Variants in LAMB1 observed in about 807,000 individuals in gnomAD.
LAMB1 encodes the protein laminin subunit beta 1.
LAMB1 carries 121 observed loss-of-function variants against 222.3 expected under a neutral mutation model. That is an observed-to-expected ratio of 0.54 (90% CI 0.47 to 0.63). LAMB1 has a LOEUF of 0.63. Ranked by LOEUF, LAMB1 falls within the 30% of genes least tolerant of loss-of-function variation. LAMB1 has a pLI of 0.00. For synonymous variants in LAMB1, 794 were observed against 807.2 expected (o/e 0.98, Z 0.28); for missense variants, 2,172 against 2,240.8 (o/e 0.97, Z 0.62).
chr7:107,946,370 T>A (rs1409015350), intron 24 of LAMB1, among the ~76,000 whole-genome samples: 2 of 152,272 alleles, frequency 1.3e-5, no homozygotes, highest in Admixed American at 6.5e-5. Flanking sequence ...GAGATGAATA[T>A]AATTTTACCT....
At chr7:107,926,688 A>C (rs1233156797) in intron 31 of LAMB1, among the ~76,000 whole-genome samples, 1 of 152,196 alleles carries the variant, frequency 6.6e-6, no homozygotes, top group Non-Finnish European at 1.5e-5. Flanking sequence ...GGACACCTGC[A>C]AACTTTGGCT....
rs763593746 is a variant in LAMB1, at chr7:107,978,142, T to C, written c.905A>G (p.His302Arg). 1 of 1,614,180 alleles carries C rather than the reference T, an allele frequency of 6.2e-7. No homozygotes were observed. Among genetic ancestry groups the C allele is most frequent in the South Asian group, 1.1e-5 (1 of 91,078 alleles). Residue 302 changes from histidine to arginine, a missense_variant, in exon 9 of 34, where the codon CAT becomes CGT. His to Arg is a conservative substitution (Grantham distance 29, BLOSUM62 0). Coordinates refer to ENST00000222399, the MANE Select transcript of LAMB1 (RefSeq NM_002291.3). ...TTCACAGTTTAAGCCCTTGGTGTTATGCCTGCACATGCAGTGTCCGTGAAC... is the reference window on the plus strand; with the variant it reads ...TTCACAGTTTAAGCCCTTGGTGTTACGCCTGCACATGCAGTGTCCGTGAAC... ...GMVHGHCMCR[H>R]NTKGLNCELC...
In LAMB1 at chr7:107,929,177, C is replaced by T; in HGVS notation, c.4774G>A (p.Ala1592Thr). ...SKSATDVKVT[A>T]DMVKEALEEA... is the part of the protein sequence containing the mutation. The stretch of plus-strand genomic sequence containing the variant: ...TCCAGAGCTTCCTTTACCATATCTG[C>T]AGTGACTTTAACATCTGTTGCACTT... The change falls in exon 31 of 34, where the codon GCA becomes ACA. Residue 1592 changes from alanine to threonine, a missense_variant. By Grantham distance (58) the Ala-to-Thr change is moderately conservative. Coordinates refer to ENST00000222399, the MANE Select transcript of LAMB1 (RefSeq NM_002291.3). 2 of 1,614,010 alleles carry T rather than the reference C, an allele frequency of 1.2e-6. No individual in the cohort carries two copies. Among genetic ancestry groups the T allele is most frequent in the Non-Finnish European group, 1.7e-6 (2 of 1,179,964 alleles).
At chr7:107,947,766 G>C (rs2033148499) in intron 24 of LAMB1, among the ~76,000 whole-genome samples, 1 of 152,290 alleles carries the variant, frequency 6.6e-6, no homozygotes, top group South Asian at 2.1e-4. Flanking sequence ...CTGTTTGACA[G>C]ACTGCCTTAA....
At position 107,955,447 on chromosome 7, in the gene LAMB1, A is replaced by G. The variant is rs112564395; in HGVS notation, c.2854+20T>C. 1 of 1,593,860 alleles carries G rather than the reference A, an allele frequency of 6.3e-7. No homozygotes were observed. The highest frequency in any genetic ancestry group is 1.1e-5 in the South Asian group (1 of 88,944). On this transcript the variant is annotated intron_variant, in intron 21 of 33. Coordinates refer to ENST00000222399, the MANE Select transcript of LAMB1 (RefSeq NM_002291.3). ...ATCTTTTTCTCTCTCTTTGCCTCCC[A>G]AAGTATGCACACGACTTACCAATGT... is the stretch of plus-strand genomic sequence containing the variant.
chr7:107,965,209 A>G (rs1210666651), intron 13 of LAMB1, among the ~76,000 whole-genome samples: 6 of 152,228 alleles, frequency 3.9e-5, no homozygotes, highest in Non-Finnish European at 7.3e-5. Flanking sequence ...ACACTCCATC[A>G]GGAACCAAAT....
intron 15 of LAMB1, 30 bp from the exon 16 acceptor site, chr7:107,961,706 A>T (rs769723230): frequency 1.2e-6 from 2 of 1,601,716 alleles, no homozygotes; most frequent in Admixed American, 1.7e-5. Flanking sequence ...ATGAAAAGAT[A>T]GTTAGCCCAC....
At chr7:107,954,824 G>T in intron 21 of LAMB1, among the ~76,000 whole-genome samples, 1 of 151,996 alleles carries the variant, frequency 6.6e-6, no homozygotes. Context: ...TACAGAAACT[G>T]AAAAGTTACC....
At chr7:107,972,474 G>A (rs1238552675) in intron 13 of LAMB1, among the ~76,000 whole-genome samples, 1 of 151,990 alleles carries the variant, frequency 6.6e-6, no homozygotes, top group African/African-American at 2.4e-5. Flanking sequence ...TGCCAAATGT[G>A]TGTTCTGATA....
rs778430498 is a variant in LAMB1 at position 107,961,309 on chromosome 7, G to A, written c.2006C>T (p.Pro669Leu). The A allele has an allele frequency of 1.2e-5, 20 of 1,613,900 alleles. No homozygotes were observed. The highest frequency in any genetic ancestry group is 4.5e-5 in the East Asian group (2 of 44,892). The change falls in exon 17 of 34, where the codon CCG (proline) becomes CTG (leucine). Residue 669 changes from proline (P) to leucine (L), a missense_variant. Transcript: ENST00000222399. ...GTTTGTTCCCTTCTCAAAGCACACC[G>A]GCCGAGGAAGGACGACATATCTGCC... ...PGSRYVVLPR[P>L]VCFEKGTNYT...
chr7:107,957,979 C>A (rs565118920), intron 20 of LAMB1, among the ~76,000 whole-genome samples: 90 of 152,286 alleles, frequency 5.9e-4, no homozygotes, highest in African/African-American at 2.1e-3. Context: ...GCCATTCTGA[C>A]ATGATGTTCG....
chr7:107,990,032 T>TGC (rs1563007323), intron 5 of LAMB1, among the ~76,000 whole-genome samples: 2 of 151,884 alleles, frequency 1.3e-5, no homozygotes, highest in Admixed American at 1.3e-4. Flanking sequence ...TTTGTGTTTT[T>TGC]TTTTGTTTGT....
chr7:107,967,538 G>A (rs951106107), intron 13 of LAMB1, among the ~76,000 whole-genome samples: 9 of 152,116 alleles, frequency 5.9e-5, no homozygotes, highest in Non-Finnish European at 1.2e-4. Flanking sequence ...CCCATCCTCT[G>A]AAAACGGCTT....
chr7:107,935,841 C>T (rs528207273), intron 26 of LAMB1, among the ~76,000 whole-genome samples, 185 bp from the exon 27 acceptor site: 3 of 152,324 alleles, frequency 2.0e-5, no homozygotes, highest in Admixed American at 6.5e-5. Flanking sequence ...AGCACCTACT[C>T]CAGCTCGAGT....
At chr7:107,996,629 G>C (rs1049660929) in intron 4 of LAMB1, among the ~76,000 whole-genome samples, 3 of 152,188 alleles carry the variant, frequency 2.0e-5, no homozygotes, top group African/African-American at 7.2e-5. Context: ...TCTTGTGACA[G>C]AGTGACAGAG....
rs1003659741 is a variant in LAMB1 at position 107,940,231 on chromosome 7, G to A, written c.3519C>T (p.Phe1173=). ...DKCTRGYSGV[F]PDCTPCHQCF... ...ACTGGTGGCAGGGTGTGCAGTCAGG[G>A]AAGACCCCCGAGTACCCTCGCGTGC... Residue 1173 remains phenylalanine, a synonymous_variant, in exon 25 of 34, where the codon TTC becomes TTT. Transcript: ENST00000222399. 1 of 1,614,176 alleles carries A rather than the reference G, an allele frequency of 6.2e-7. No homozygotes were observed. The highest frequency in any genetic ancestry group is 8.5e-7 in the Non-Finnish European group (1 of 1,180,040).
At chr7:107,994,036 C>A (rs1563009440) in intron 5 of LAMB1, among the ~76,000 whole-genome samples, 1 of 152,234 alleles carries the variant, frequency 6.6e-6, no homozygotes, top group Non-Finnish European at 1.5e-5. Context: ...CATGGTAAAT[C>A]TATCCTTGGC....
chr7:107,935,879 A>G (rs944137439), intron 26 of LAMB1, among the ~76,000 whole-genome samples: 2 of 152,198 alleles, frequency 1.3e-5, no homozygotes, highest in African/African-American at 4.8e-5. Context: ...GAAAAATGAA[A>G]AATTAAGAAA....
chr7:107,973,099 C>A (rs779220949), intron 12 of LAMB1, 28 bp from the exon 13 acceptor site: 67 of 1,584,692 alleles, frequency 4.2e-5, no homozygotes, highest in Middle Eastern at 1.7e-4. Flanking sequence ...AAACATGTAA[C>A]GGTAGGTTTC....
Sources: allele counts gnomAD v4.1 joint callset (sites outside exome capture counted in the v4.1 genomes callset), GRCh38; gene constraint gnomAD v4.1.1; transcripts MANE v1.5; gene names NCBI Gene and HGNC (gene_info 2026-07-23, HGNC 2026-07-21).